MAGI2: variants seen among roughly 807,000 people sequenced by gnomAD.
MAGI2 encodes the protein membrane associated guanylate kinase, WW and PDZ domain containing 2.
A neutral mutation model predicts 133.3 loss-of-function variants in MAGI2; 35 were observed. That is an observed-to-expected ratio of 0.26 (90% CI 0.20 to 0.35). The LOEUF (loss-of-function observed/expected upper bound fraction) is 0.35. Among genes scored for constraint, MAGI2 ranks in the 10% least tolerant of loss-of-function variants. MAGI2 has a pLI of 1.00. For missense variants in MAGI2, 1,636 were observed against 1,863.4 expected (o/e 0.88, Z 2.25); for synonymous variants, 729 against 710.6 (o/e 1.03, Z -0.41).
At chr7:79,257,963 T>C (rs1332015673) in intron 1 of MAGI2, among the ~76,000 whole-genome samples, 2 of 152,232 alleles carry the variant, frequency 1.3e-5, no homozygotes, top group African/African-American at 2.4e-5. Flanking sequence ...ACATATAAGA[T>C]TAATCAGCTC....
intron 1 of MAGI2, among the ~76,000 whole-genome samples, chr7:79,248,069 T>A (rs543972611): frequency 9.2e-5 from 14 of 151,800 alleles, no homozygotes; most frequent in African/African-American, 3.4e-4. Flanking sequence ...AGACACAGAG[T>A]AGCTGAGTGG....
intron 2 of MAGI2, among the ~76,000 whole-genome samples, chr7:78,952,705 A>G (rs1801968863): frequency 6.6e-6 from 1 of 152,342 alleles, no homozygotes; most frequent in Admixed American, 6.5e-5. Flanking sequence ...TACCTAGAAA[A>G]TTCATATGGT....
At chr7:79,099,131 C>T (rs1043290361) in intron 1 of MAGI2, among the ~76,000 whole-genome samples, 22 of 151,778 alleles carry the variant, frequency 1.4e-4, no homozygotes, top group African/African-American at 5.1e-4. Flanking sequence ...TTCCCTTTAG[C>T]GATTTCAGTT....
chr7:78,389,249 G>A (rs1461842827), intron 6 of MAGI2, among the ~76,000 whole-genome samples: 1 of 152,166 alleles, frequency 6.6e-6, no homozygotes, highest in Non-Finnish European at 1.5e-5. Flanking sequence ...AACTCAGTAG[G>A]ACCAGATGCC....
At chr7:78,681,770 C>T (rs1242737527) in intron 2 of MAGI2, among the ~76,000 whole-genome samples, 3 of 151,994 alleles carry the variant, frequency 2.0e-5, no homozygotes, top group Non-Finnish European at 4.4e-5. Context: ...AGGCAGTCAG[C>T]GTCACAACCC....
At chr7:78,732,485 C>T (rs981071266) in intron 2 of MAGI2, among the ~76,000 whole-genome samples, 1 of 152,050 alleles carries the variant, frequency 6.6e-6, no homozygotes, top group Non-Finnish European at 1.5e-5. Context: ...TCTGTAATTA[C>T]ACATACTAAA....
In MAGI2 at chr7:78,132,998, G is replaced by A; in HGVS notation, c.3094C>T (p.Pro1032Ser). 2.5e-6 allele frequency: 4 copies of A among 1,610,988 alleles called. No individual in the cohort carries two copies. Among genetic ancestry groups the A allele is most frequent in the Non-Finnish European group, 3.4e-6 (4 of 1,178,948 alleles). Residue 1032 changes from proline to serine, a missense_variant, in exon 18 of 22, where the codon CCC becomes TCC. By Grantham distance (74) the Pro-to-Ser change is moderately conservative. Transcript: ENST00000354212. The stretch of plus-strand genomic sequence containing the variant: ...GCCAGGGGACTCTGCTGTGCCAGGG[G>A]ACTCTGCTGCGCCATGGGACTCTGC... ...EKQSPMAQQS[P>S]LAQQSPLAQP... is the part of the protein sequence containing the mutation.
intron 1 of MAGI2, among the ~76,000 whole-genome samples, chr7:79,058,138 C>A (rs958769631): frequency 1.3e-5 from 2 of 151,896 alleles, no homozygotes; most frequent in African/African-American, 4.8e-5. Flanking sequence ...GAGAGAACAA[C>A]AAGGCAAAAG....
At chr7:78,274,993 GA>G (rs113687883) in intron 9 of MAGI2, among the ~76,000 whole-genome samples, 53 of 149,948 alleles carry the variant, frequency 3.5e-4, no homozygotes, top group African/African-American at 8.5e-4. Context: ...ACTGGGGTAT[GA>G]AAAAAAAAAC....
rs1794810904 is a variant in MAGI2 at position 78,503,560 on chromosome 7, C to CCTCCCCCTCCTCCTCCCCCTCCT, written c.755-1774_755-1773insAGGAGGGGGAGGAGGAGGGGGAG. 1.5e-4 allele frequency among the ~76,000 whole-genome samples: 6 copies of CCTCCCCCTCCTCCTCCCCCTCCT among 39,512 alleles called. 1 individual carries two copies. The highest frequency in any genetic ancestry group is 2.4e-4 in the Non-Finnish European group (5 of 21,240). The allele number at this position is 39,512 out of a possible 152,430, so 25.9% of individuals were successfully genotyped here. A position where few individuals can be genotyped will look rare whatever the true frequency, so the allele number is the denominator to read the frequency against. On this transcript the variant is annotated intron_variant, in intron 4 of 21. Coordinates refer to ENST00000354212, the MANE Select transcript of MAGI2 (RefSeq NM_012301.4). Reference sequence around the variant, plus strand: ...CCCTGCTTGCACTCACTCCATCTCCCCCTCCCCCTCCTCCTCCCCCTCCTC... The same window carrying CCTCCCCCTCCTCCTCCCCCTCCT: ...CCCTGCTTGCACTCACTCCATCTCCCCTCCCCCTCCTCCTCCCCCTCCTCCTCCCCCTCCTCCTCCCCCTCCTC...
At chr7:78,802,409 C>T (rs1472291553) in intron 2 of MAGI2, among the ~76,000 whole-genome samples, 1 of 152,050 alleles carries the variant, frequency 6.6e-6, no homozygotes, top group Non-Finnish European at 1.5e-5. Flanking sequence ...AAATAGAAGC[C>T]ATGTATCTGG....
chr7:78,613,597 C>T (rs954021468), intron 3 of MAGI2, among the ~76,000 whole-genome samples: 3 of 152,052 alleles, frequency 2.0e-5, no homozygotes, highest in East Asian at 3.9e-4. Context: ...TGTCAATGAG[C>T]TTTTGGTAGA....
chr7:79,107,086 A>T (rs1437872049), intron 1 of MAGI2, among the ~76,000 whole-genome samples: 2 of 152,210 alleles, frequency 1.3e-5, no homozygotes, highest in African/African-American at 4.8e-5. Flanking sequence ...TATTTTGCAG[A>T]TGTAACTAGG....
chr7:79,235,440 A>G (rs946298595), intron 1 of MAGI2, among the ~76,000 whole-genome samples: 1 of 152,112 alleles, frequency 6.6e-6, no homozygotes, highest in African/African-American at 2.4e-5. Context: ...GCTAGCAATC[A>G]GCGAGACTCC....
intron 14 of MAGI2, 21 bp from the exon 15 acceptor site, chr7:78,168,129 A>C (rs763602769): frequency 8.5e-5 from 137 of 1,603,806 alleles, no homozygotes; most frequent in Non-Finnish European, 1.1e-4. Context: ...AGTGAGAAGG[A>C]AAGGACATTC....
chr7:78,787,816 G>T (rs1431260367), intron 2 of MAGI2, among the ~76,000 whole-genome samples: 1 of 152,086 alleles, frequency 6.6e-6, no homozygotes. Context: ...ATGGAGCCAG[G>T]TGATGGTTAT....
At chr7:78,804,764 A>AC (rs1563526155) in intron 2 of MAGI2, among the ~76,000 whole-genome samples, 11 of 90,424 alleles carry the variant, frequency 1.2e-4, no homozygotes, top group East Asian at 1.2e-3. Flanking sequence ...AAAAAAAAAA[A>AC]AAAAAAAACC....
intron 1 of MAGI2, among the ~76,000 whole-genome samples, chr7:79,196,599 T>A (rs963507693): frequency 6.6e-6 from 1 of 152,006 alleles, no homozygotes; most frequent in Non-Finnish European, 1.5e-5. Context: ...TAGTTAATAA[T>A]CAATGTTTAT....
At chr7:78,663,750 A>G (rs747197574) in intron 2 of MAGI2, among the ~76,000 whole-genome samples, 55 of 152,212 alleles carry the variant, frequency 3.6e-4, no homozygotes, top group Non-Finnish European at 3.8e-4. Flanking sequence ...ACTTAAATAT[A>G]GAAAGAAATA....
Sources: gnomAD v4.1 joint callset for allele counts (sites outside exome capture counted in the v4.1 genomes callset) on GRCh38, gnomAD v4.1.1 for gene constraint, MANE v1.5 for transcripts, NCBI Gene and HGNC (gene_info 2026-07-23, HGNC 2026-07-21) for gene names.